THRB: variants seen among roughly 807,000 people sequenced by gnomAD.
THRB encodes thyroid hormone receptor beta, also known as nuclear receptor subfamily 1 group A member 2.
Under a neutral mutation model 47.8 loss-of-function variants are expected in THRB, and 12 were observed. The ratio of observed to expected loss-of-function variants is 0.25; its 90% CI spans 0.16 to 0.41. The LOEUF (loss-of-function observed/expected upper bound fraction) is 0.41. THRB is among the 10% of genes least tolerant of loss of function. THRB has a pLI of 1.00. For missense variants in THRB, 348 were observed against 589.2 expected, an observed-to-expected ratio of 0.59 and a Z score of 4.24; for synonymous variants, 218 against 212.2, an observed-to-expected ratio of 1.03 and a Z score of -0.24.
At chr3:24,158,432 TTGGG>T (rs1244540083) in intron 5 of THRB, among the ~76,000 whole-genome samples, 1 of 80,428 alleles carries the variant, frequency 1.2e-5, no homozygotes, top group African/African-American at 7.2e-5. Context: ...TTTTTTTTTT[TTGGG>T]GGGAGGGTGG....
intron 1 of THRB, among the ~76,000 whole-genome samples, chr3:24,359,537 G>C (rs952000755): frequency 6.6e-6 from 1 of 152,108 alleles, no homozygotes; most frequent in Non-Finnish European, 1.5e-5. Flanking sequence ...CTCTTGATGA[G>C]AGAATGCCAA....
chr3:24,137,658 G>T (rs2034849580), intron 8 of THRB, among the ~76,000 whole-genome samples: 1 of 152,184 alleles, frequency 6.6e-6, no homozygotes, highest in Non-Finnish European at 1.5e-5. Flanking sequence ...AGCAGAGGTA[G>T]GCAGGGGGAT....
At chr3:24,425,371 T>C (rs972846842) in intron 1 of THRB, among the ~76,000 whole-genome samples, 7 of 151,984 alleles carry the variant, frequency 4.6e-5, no homozygotes, top group Non-Finnish European at 8.8e-5. Flanking sequence ...ATTGTGTTTT[T>C]GTTTAATGCC....
At chr3:24,341,364 G>A (rs1559973754) in intron 1 of THRB, among the ~76,000 whole-genome samples, 1 of 151,270 alleles carries the variant, frequency 6.6e-6, no homozygotes, top group Non-Finnish European at 1.5e-5. Context: ...CTGAGTAGGT[G>A]GGATGACAGG....
intron 3 of THRB, among the ~76,000 whole-genome samples, chr3:24,260,284 C>A (rs1309663657): frequency 6.6e-6 from 1 of 152,124 alleles, no homozygotes; most frequent in African/African-American, 2.4e-5. Flanking sequence ...GTCTTACTAG[C>A]CAGGCAGCCC....
At chr3:24,452,820 T>C (rs2072796729) in intron 1 of THRB, among the ~76,000 whole-genome samples, 1 of 152,200 alleles carries the variant, frequency 6.6e-6, no homozygotes, top group African/African-American at 2.4e-5. Context: ...AAACTGGTCT[T>C]GTTAAATTGT....
chr3:24,332,148 C>T (rs2061969207), intron 2 of THRB, among the ~76,000 whole-genome samples: 1 of 152,052 alleles, frequency 6.6e-6, no homozygotes, highest in Admixed American at 6.6e-5. Context: ...GGTAAGACCC[C>T]CTAAAGAGGA....
chr3:24,396,620 C>T (rs149081310), intron 1 of THRB, among the ~76,000 whole-genome samples: 26 of 152,212 alleles, frequency 1.7e-4, no homozygotes, highest in South Asian at 1.2e-3. Flanking sequence ...TGGGTGAGCG[C>T]TCTAAACTAG....
intron 1 of THRB, among the ~76,000 whole-genome samples, chr3:24,377,515 G>A (rs1018616340): frequency 2.0e-5 from 3 of 152,180 alleles, no homozygotes; most frequent in African/African-American, 4.8e-5. Context: ...AGATGTGGCT[G>A]TGGTGATTTC....
intron 3 of THRB, among the ~76,000 whole-genome samples, chr3:24,284,308 C>T (rs1409066792): frequency 6.6e-6 from 1 of 151,636 alleles, no homozygotes; most frequent in Non-Finnish European, 1.5e-5. Context: ...TTTGACAAAC[C>T]TGAGAAAAAC....
chr3:24,431,961 G>A (rs1027779719), intron 1 of THRB, among the ~76,000 whole-genome samples: 3 of 152,002 alleles, frequency 2.0e-5, no homozygotes, highest in African/African-American at 7.2e-5. Flanking sequence ...TATTGTTTAG[G>A]AAGATATACG....
At chr3:24,270,525 T>C (rs552546760) in intron 3 of THRB, among the ~76,000 whole-genome samples, 258 of 152,376 alleles carry the variant, frequency 1.7e-3, no homozygotes, top group Non-Finnish European at 3.2e-3. Context: ...ATGCCATTAC[T>C]CAGACTGGCT....
In THRB at chr3:24,280,867, C is replaced by T. The variant is rs547247026; in HGVS notation, c.-43+16359G>A. 7.7e-3 allele frequency among the ~76,000 whole-genome samples: 1,168 copies of T among 151,904 alleles called. 17 individuals carry two copies. The highest frequency in any genetic ancestry group is 0.025 in the African/African-American group (1,049 of 41,376). ...GGAAGATGAAATGAATGAAATGAAG[C>T]GAGAAGGGAAGTTTAGAGAAAAAGG... is the stretch of plus-strand genomic sequence containing the variant. On this transcript the variant is annotated intron_variant, in intron 3 of 10. Transcript: ENST00000646209.
At chr3:24,382,772 C>A (rs926410149) in intron 1 of THRB, among the ~76,000 whole-genome samples, 4 of 152,120 alleles carry the variant, frequency 2.6e-5, no homozygotes, top group Non-Finnish European at 5.9e-5. Flanking sequence ...TTTCTCCAAA[C>A]ACATGCTAGT....
At chr3:24,489,735 T>C (rs1697855205) in intron 1 of THRB, among the ~76,000 whole-genome samples, 1 of 152,226 alleles carries the variant, frequency 6.6e-6, no homozygotes, top group African/African-American at 2.4e-5. Flanking sequence ...GCATTGAGCA[T>C]AGATCACTAT....
At chr3:24,399,514 A>G (rs2067238200) in intron 1 of THRB, among the ~76,000 whole-genome samples, 1 of 152,106 alleles carries the variant, frequency 6.6e-6, no homozygotes, top group South Asian at 2.1e-4. Context: ...AACCAAGTAC[A>G]GAGCCCCTCT....
At chr3:24,477,245 T>TA (rs1286963899) in intron 1 of THRB, among the ~76,000 whole-genome samples, 2 of 152,218 alleles carry the variant, frequency 1.3e-5, no homozygotes, top group Non-Finnish European at 2.9e-5. Flanking sequence ...CAAGGCCCAC[T>TA]AATGTGTTGG....
chr3:24,469,395 C>A (rs1434422580), intron 1 of THRB, among the ~76,000 whole-genome samples: 1 of 152,184 alleles, frequency 6.6e-6, no homozygotes, highest in African/African-American at 2.4e-5. Context: ...TGGGAAAACA[C>A]CTCGGTAAAC....
rs148323014 is a variant in THRB, at chr3:24,402,057, C to G, written c.-260-64686G>C. On this transcript the variant is annotated intron_variant, in intron 1 of 10. Transcript: ENST00000646209. ...AAGCAAAGTCTGAGGCAGATTAAGC[C>G]AAGGAGAAGAAAGTAAAGTCTGGGA... Among the ~76,000 whole-genome samples, 421 of 152,032 alleles carry G rather than the reference C, an allele frequency of 2.8e-3. 1 individual carries two copies. Among genetic ancestry groups the G allele is most frequent in the African/African-American group, 9.3e-3 (388 of 41,510 alleles).
Sources: gnomAD v4.1 joint callset for allele counts (sites outside exome capture counted in the v4.1 genomes callset) on GRCh38, gnomAD v4.1.1 for gene constraint, MANE v1.5 for transcripts, NCBI Gene and HGNC (gene_info 2026-07-23, HGNC 2026-07-21) for gene names.